The following GPC6 variants were observed in gnomAD, a reference collection of about 807,000 sequenced individuals.
GPC6 encodes glypican-6.
A neutral mutation model predicts 55.2 loss-of-function variants in GPC6; 14 were observed. The ratio of observed to expected loss-of-function variants is 0.25; its 90% CI spans 0.17 to 0.40. The LOEUF (loss-of-function observed/expected upper bound fraction) is 0.40. GPC6 is among the 10% of genes least tolerant of loss of function. The pLI, the probability that GPC6 is intolerant of heterozygous loss-of-function variation, is 1.00. For synonymous variants in GPC6, 278 were observed against 259.6 expected (o/e 1.07, Z -0.68); for missense variants, 641 against 708.5 (o/e 0.90, Z 1.08).
At chr13:94,400,497 CCCCCTTG>C (rs1360992445) in intron 8 of GPC6, among the ~76,000 whole-genome samples, 8 of 152,144 alleles carry the variant, frequency 5.3e-5, no homozygotes, top group Admixed American at 5.2e-4. Flanking sequence ...CAGGAATTTT[CCCCCTTG>C]TAAAGGCCAC....
intron 6 of GPC6, among the ~76,000 whole-genome samples, chr13:94,355,312 G>A (rs979106491): frequency 4.6e-5 from 7 of 151,760 alleles, no homozygotes; most frequent in South Asian, 4.2e-4. Flanking sequence ...GGTGAGCCAC[G>A]GCGCCCGGCC....
intron 2 of GPC6, among the ~76,000 whole-genome samples, chr13:93,649,288 A>G (rs1880305357): frequency 6.6e-6 from 1 of 152,116 alleles, no homozygotes; most frequent in African/African-American, 2.4e-5. Context: ...CTGTTTCTAC[A>G]AAAATTTAAA....
chr13:93,402,750 T>G (rs2762096), intron 1 of GPC6, among the ~76,000 whole-genome samples: 17,467 of 152,126 alleles, frequency 0.11, 1,089 homozygotes, highest in Middle Eastern at 0.13. Flanking sequence ...TGGACCCTTT[T>G]TGGAGGTCAG....
chr13:93,430,955 G>A (rs1877335079), intron 1 of GPC6, among the ~76,000 whole-genome samples: 1 of 152,118 alleles, frequency 6.6e-6, no homozygotes, highest in South Asian at 2.1e-4. Context: ...TTAGAAGGCT[G>A]GTAGTGAGAA....
chr13:93,861,810 C>T (rs543187330), intron 3 of GPC6, among the ~76,000 whole-genome samples: 14 of 151,754 alleles, frequency 9.2e-5, no homozygotes, highest in African/African-American at 3.4e-4. Context: ...CTTTACTGGT[C>T]GAGTTACTTC....
chr13:93,802,059 T>C (rs1265429038), intron 2 of GPC6, among the ~76,000 whole-genome samples: 3 of 152,180 alleles, frequency 2.0e-5, no homozygotes, highest in Non-Finnish European at 4.4e-5. Flanking sequence ...AGAGATTAAG[T>C]TTAAAAGTTC....
At chr13:93,405,903 A>G (rs960615920) in intron 1 of GPC6, among the ~76,000 whole-genome samples, 1 of 152,178 alleles carries the variant, frequency 6.6e-6, no homozygotes, top group African/African-American at 2.4e-5. Flanking sequence ...ATTCAGCCAC[A>G]GGGCCAATTA....
intron 1 of GPC6, among the ~76,000 whole-genome samples, chr13:93,461,799 C>T (rs1388906150): frequency 1.3e-5 from 2 of 152,132 alleles, no homozygotes; most frequent in South Asian, 2.1e-4. Flanking sequence ...AAAAATCATT[C>T]GTTCATAACC....
chr13:94,246,882 A>G (rs528419921), intron 4 of GPC6, among the ~76,000 whole-genome samples: 1 of 151,742 alleles, frequency 6.6e-6, no homozygotes, highest in East Asian at 1.9e-4. Context: ...GAATTTTAGG[A>G]TTGTTTTTTC....
intron 3 of GPC6, among the ~76,000 whole-genome samples, chr13:93,871,490 G>A (rs1252005452): frequency 2.0e-5 from 3 of 151,876 alleles, no homozygotes; most frequent in Non-Finnish European, 2.9e-5. Context: ...TGTGCTCATC[G>A]TCTTTTCCAA....
chr13:94,149,298 C>A (rs761885147), intron 4 of GPC6, among the ~76,000 whole-genome samples: 1 of 152,114 alleles, frequency 6.6e-6, no homozygotes, highest in Non-Finnish European at 1.5e-5. Flanking sequence ...GCAAAGCAGG[C>A]ATCTGGAATG....
At chr13:93,490,910 A>G (rs1374137782) in intron 1 of GPC6, among the ~76,000 whole-genome samples, 12 of 60,510 alleles carry the variant, frequency 2.0e-4, no homozygotes, top group African/African-American at 7.4e-4. Flanking sequence ...TTCTTAATCC[A>G]GTCTATCATT....
chr13:94,030,301 G>T (rs576724682), intron 4 of GPC6, among the ~76,000 whole-genome samples: 1 of 152,212 alleles, frequency 6.6e-6, no homozygotes, highest in East Asian at 1.9e-4. Flanking sequence ...GAGCCACCGT[G>T]CCCGTCCCCT....
Position 93,759,445 on chromosome 13 carries a change from T to C in GPC6, c.320-70709T>C, listed in dbSNP as rs374044471. On this transcript the variant is annotated intron_variant, in intron 2 of 8. Coordinates refer to ENST00000377047, the MANE Select transcript of GPC6 (RefSeq NM_005708.5). Reference sequence around the variant, plus strand: ...ATTAATGGCTGTTACTCTCAGTCGATATGACAAGAATACCTAAAGTTTACA... The same window carrying C: ...ATTAATGGCTGTTACTCTCAGTCGACATGACAAGAATACCTAAAGTTTACA... Among the ~76,000 whole-genome samples the C allele has an allele frequency of 6.6e-5, 10 of 152,312 alleles. No individual in the cohort carries two copies. In the East Asian group the frequency reaches 1.7e-3, roughly 27 times the overall value.
intron 3 of GPC6, among the ~76,000 whole-genome samples, chr13:93,882,146 T>C (rs994509846): frequency 1.3e-5 from 2 of 151,826 alleles, no homozygotes; most frequent in Non-Finnish European, 2.9e-5. Flanking sequence ...GTTTTTGTTT[T>C]ATTTTTGTTT....
At chr13:93,479,024 A>G (rs2139338793) in intron 1 of GPC6, among the ~76,000 whole-genome samples, 1 of 152,296 alleles carries the variant, frequency 6.6e-6, no homozygotes, top group South Asian at 2.1e-4. Context: ...TGAACAAACC[A>G]TAAAGAATTG....
intron 3 of GPC6, among the ~76,000 whole-genome samples, chr13:94,002,935 T>C (rs1241801378): frequency 6.6e-6 from 1 of 152,200 alleles, no homozygotes; most frequent in Non-Finnish European, 1.5e-5. Context: ...TGAAAAGTCA[T>C]TTTCTATGGA....
chr13:93,870,020 T>G (rs754336176), intron 3 of GPC6, among the ~76,000 whole-genome samples: 4 of 151,880 alleles, frequency 2.6e-5, no homozygotes, highest in Non-Finnish European at 5.9e-5. Context: ...GGCAAGTCAC[T>G]TATATGATGT....
At chr13:93,806,668 A>G (rs1886551554) in intron 2 of GPC6, among the ~76,000 whole-genome samples, 1 of 152,152 alleles carries the variant, frequency 6.6e-6, no homozygotes, top group East Asian at 1.9e-4. Flanking sequence ...ATTGAGGTAA[A>G]TATTAATCTA....
Sources: gnomAD v4.1 joint callset for allele counts (sites outside exome capture counted in the v4.1 genomes callset) on GRCh38, gnomAD v4.1.1 for gene constraint, MANE v1.5 for transcripts, NCBI Gene and HGNC (gene_info 2026-07-23, HGNC 2026-07-21) for gene names.